Variants in CELSR1 observed in about 807,000 individuals in gnomAD.
CELSR1 encodes cadherin EGF LAG seven-pass G-type receptor 1, also known as adhesion G protein-coupled receptor C1.
In CELSR1, 110 loss-of-function variants were observed where a neutral mutation model predicts 249.1. The ratio of observed to expected loss-of-function variants is 0.44; its 90% CI spans 0.38 to 0.52. The LOEUF is 0.52. Among genes scored for constraint, CELSR1 ranks in the 20% least tolerant of loss-of-function variants. The pLI is 0.00. For missense variants in CELSR1, 4,109 were observed against 4,296.4 expected (o/e 0.96, Z 1.22); for synonymous variants, 2,113 against 1,900.0 (o/e 1.11, Z -2.92).
Position 46,363,456 on chromosome 22 carries a change from T to G in CELSR1, c.9036-209A>C. 1 of 532,890 alleles carries G rather than the reference T, an allele frequency of 1.9e-6. No individual in the cohort carries two copies. 33.0% of individuals were successfully genotyped at this position (532,890 alleles called of 1,614,324 possible). On this transcript the variant is annotated intron_variant, in intron 34 of 34. Coordinates refer to ENST00000674500, the MANE Select transcript of CELSR1 (RefSeq NM_001378328.1). This position sits in a 1 kb window ranked among gnomAD's most constrained non-coding sequence, Gnocchi z 4.3. ...AGGACCAGCCTGTGGGCCTCTGTGT[T>G]GCTGGTCTTTCAGAAGAGCGCAAGG...
In CELSR1 at chr22:46,413,749, ATC is replaced by A. The variant is rs1322725540; in HGVS notation, c.4612-1992_4612-1991del. Among the ~76,000 whole-genome samples the A allele has an allele frequency of 2.0e-5, 3 of 152,340 alleles. No individual in the cohort carries two copies. The highest frequency in any genetic ancestry group is 4.1e-4 in the South Asian group (2 of 4,824). The stretch of plus-strand genomic sequence containing the variant: ...CAGGTAGGCGAGTGCATTAAAAATC[ATC>A]TGTTTTCTCGCTGTGTAACGCGGCC... On this transcript the variant is annotated intron_variant, in intron 5 of 34. Coordinates refer to ENST00000674500, the MANE Select transcript of CELSR1 (RefSeq NM_001378328.1). This position sits in a 1 kb window ranked among gnomAD's most constrained non-coding sequence, Gnocchi z 4.7.
rs1405076795 is a variant in CELSR1 at position 46,423,523 on chromosome 22, T to C, written c.4611+9870A>G. Reference sequence around the variant, plus strand: ...GGGAGGCTGAGGCAGGAGAATTGCTTGAACCTGGGAGGCAGAGGTTGCGGT... The same window carrying C: ...GGGAGGCTGAGGCAGGAGAATTGCTCGAACCTGGGAGGCAGAGGTTGCGGT... On this transcript the variant is annotated intron_variant, in intron 5 of 34. Transcript: ENST00000674500. This position sits in a 1 kb window ranked among gnomAD's most constrained non-coding sequence, Gnocchi z 5.6. Among the ~76,000 whole-genome samples the C allele has an allele frequency of 1.3e-5, 2 of 150,504 alleles. No individual in the cohort carries two copies. The highest frequency in any genetic ancestry group is 4.9e-5 in the African/African-American group (2 of 40,720).
chr22:46,500,918 G>A lies in CELSR1; in HGVS notation c.3544+32709C>T, dbSNP rs1358027356. Among the ~76,000 whole-genome samples, 1 of 152,184 alleles carries A rather than the reference G, an allele frequency of 6.6e-6. No homozygotes were observed. Among genetic ancestry groups the A allele is most frequent in the Non-Finnish European group, 1.5e-5 (1 of 68,042 alleles). ...GAAAATCAGCCCATTTACATGCCAA[G>A]TGCTGAGAACCCTGTTTCTAACACC... On this transcript the variant is annotated intron_variant, in intron 1 of 34. Coordinates refer to ENST00000674500, the MANE Select transcript of CELSR1 (RefSeq NM_001378328.1). The surrounding 1 kb of genome is among the most constrained non-coding windows in gnomAD (Gnocchi z 4.9).
In CELSR1 at chr22:46,430,735, A is replaced by G. The variant is rs2079586060; in HGVS notation, c.4611+2658T>C. On this transcript the variant is annotated intron_variant, in intron 5 of 34. Coordinates refer to ENST00000674500, the MANE Select transcript of CELSR1 (RefSeq NM_001378328.1). This position sits in a 1 kb window ranked among gnomAD's most constrained non-coding sequence, Gnocchi z 4.6. The stretch of plus-strand genomic sequence containing the variant: ...CCAGAAGATTGTCTTCCTGACCTCA[A>G]GCTGGCCCCCGCCACCCCTCCAGGC... 6.6e-6 allele frequency among the ~76,000 whole-genome samples: 1 copy of G among 152,096 alleles called. No homozygotes were observed. Among genetic ancestry groups the G allele is most frequent in the South Asian group, 2.1e-4 (1 of 4,814 alleles).
At chr22:46,388,896 T>C (rs766194080) in intron 18 of CELSR1, among the ~76,000 whole-genome samples, 2 of 152,196 alleles carry the variant, frequency 1.3e-5, no homozygotes, top group African/African-American at 2.4e-5. Flanking sequence ...AGCTGTGCCT[T>C]TGGGCAAACG....
Position 46,401,032 on chromosome 22 carries a change from C to T in CELSR1, c.5227-1130G>A, listed in dbSNP as rs182496180. 2.0e-5 allele frequency among the ~76,000 whole-genome samples: 3 copies of T among 151,886 alleles called. No individual in the cohort carries two copies. The highest frequency in any genetic ancestry group is 2.9e-5 in the Non-Finnish European group (2 of 67,976). On this transcript the variant is annotated intron_variant, in intron 9 of 34. Coordinates refer to ENST00000674500, the MANE Select transcript of CELSR1 (RefSeq NM_001378328.1). This position sits in a 1 kb window ranked among gnomAD's most constrained non-coding sequence, Gnocchi z 4.7. ...GATCAGAATTGCTTGTCTTATTCTA[C>T]GGGAAAAAGGATCAATCGCTTCATG...
At chr22:46,492,240 GCT>G (rs2080374507) in intron 1 of CELSR1, among the ~76,000 whole-genome samples, 1 of 152,188 alleles carries the variant, frequency 6.6e-6, no homozygotes, top group South Asian at 2.1e-4. Context: ...ACGTTCACAG[GCT>G]AGTCTCATTT....
chr22:46,524,135 G>A (rs1008675445), intron 1 of CELSR1, among the ~76,000 whole-genome samples: 3 of 152,264 alleles, frequency 2.0e-5, no homozygotes, highest in African/African-American at 7.2e-5. Context: ...ACAGACCCCA[G>A]AGTCTGCGCC....
rs1411126336 is a variant in CELSR1, at chr22:46,445,862, A to G, written c.4184-6451T>C. Reference sequence around the variant, plus strand: ...TGCTGCTCCTGGCCTTTGCCAGCTCATCCTCCCACCCAGCCAGGGAGAGGT... The same window carrying G: ...TGCTGCTCCTGGCCTTTGCCAGCTCGTCCTCCCACCCAGCCAGGGAGAGGT... On this transcript the variant is annotated intron_variant, in intron 2 of 34. Transcript: ENST00000674500. The surrounding 1 kb of genome is among the most constrained non-coding windows in gnomAD (Gnocchi z 4.4). 3.3e-5 allele frequency among the ~76,000 whole-genome samples: 5 copies of G among 152,066 alleles called. No homozygotes were observed. Among genetic ancestry groups the G allele is most frequent in the Admixed American group, 2.6e-4 (4 of 15,284 alleles).
At chr22:46,394,016 C>A (rs1362577433) in intron 14 of CELSR1, 126 bp downstream of exon 14, 3 of 1,268,640 alleles carry the variant, frequency 2.4e-6, no homozygotes, top group Non-Finnish European at 3.3e-6. Context: ...TGAGTGGGCA[C>A]AGGTGTGTGT....
chr22:46,479,135 CG>C (rs2080240610), intron 1 of CELSR1, among the ~76,000 whole-genome samples: 2 of 151,648 alleles, frequency 1.3e-5, no homozygotes, highest in South Asian at 4.2e-4. Context: ...TCTCCTTGCC[CG>C]GAGTCTCGCA....
chr22:46,417,378 C>G lies in CELSR1; in HGVS notation c.4612-5619G>C, dbSNP rs1569148616. 6.6e-6 allele frequency among the ~76,000 whole-genome samples: 1 copy of G among 152,232 alleles called. No individual in the cohort carries two copies. Among genetic ancestry groups the G allele is most frequent in the Non-Finnish European group, 1.5e-5 (1 of 68,038 alleles). On this transcript the variant is annotated intron_variant, in intron 5 of 34. Transcript: ENST00000674500. This position sits in a 1 kb window ranked among gnomAD's most constrained non-coding sequence, Gnocchi z 4.1. ...CCTCGGACAGGACTTTGCCAGAATG[C>G]AAACCTCAGACCGAGCTGCTACTTC... is the stretch of plus-strand genomic sequence containing the variant.
At chr22:46,386,810 G>C (rs1004858331) in intron 18 of CELSR1, among the ~76,000 whole-genome samples, 1 of 152,128 alleles carries the variant, frequency 6.6e-6, no homozygotes, top group African/African-American at 2.4e-5. Flanking sequence ...CTGGAATGCA[G>C]TGGTGTCATC....
Position 46,381,850 on chromosome 22 carries a change from G to T in CELSR1, c.7084C>A (p.Leu2362Ile). Reference sequence around the variant, plus strand: ...TGCCCCGTGCCCAGGCCTTACCGGAGGCTGCGACGGTCGGGGTCGTAGCGC... The same window carrying T: ...TGCCCCGTGCCCAGGCCTTACCGGATGCTGCGACGGTCGGGGTCGTAGCGC... ...PERYDPDRRS[L>I]RLPHRPIINT... Residue 2362 changes from leucine to isoleucine, a missense_variant, in exon 21 of 35, where the codon CTC (leucine) becomes ATC (isoleucine). By Grantham distance (5) the Leu-to-Ile change is conservative (BLOSUM62 2). Coordinates refer to ENST00000674500, the MANE Select transcript of CELSR1 (RefSeq NM_001378328.1). The surrounding 1 kb of genome is among the most constrained non-coding windows in gnomAD (Gnocchi z 6.0). 6.4e-7 allele frequency: 1 copy of T among 1,553,374 alleles called. No individual in the cohort carries two copies. Among genetic ancestry groups the T allele is most frequent in the Non-Finnish European group, 8.7e-7 (1 of 1,152,790 alleles).
At position 46,410,270 on chromosome 22, in the gene CELSR1, G is replaced by C; in HGVS notation, c.4933+128C>G. 3.3e-6 allele frequency: 4 copies of C among 1,197,978 alleles called. No individual in the cohort carries two copies. The highest frequency in any genetic ancestry group is 4.7e-6 in the Non-Finnish European group (4 of 844,006). 74.2% of individuals were successfully genotyped at this position (1,197,978 alleles called of 1,614,324 possible). ...GGTTCCATCCCAGGAGCTGCCCACC[G>C]CTGGACACATACATTTCTAAGAAAA... On this transcript the variant is annotated intron_variant, in intron 7 of 34. Coordinates refer to ENST00000674500, the MANE Select transcript of CELSR1 (RefSeq NM_001378328.1). The surrounding 1 kb of genome is among the most constrained non-coding windows in gnomAD (Gnocchi z 6.8).
At chr22:46,525,481 A>C (rs2080730443) in intron 1 of CELSR1, among the ~76,000 whole-genome samples, 1 of 151,482 alleles carries the variant, frequency 6.6e-6, no homozygotes, top group Non-Finnish European at 1.5e-5. Flanking sequence ...GTTTACTACA[A>C]CCCCTCCCAG....
At position 46,434,651 on chromosome 22, in the gene CELSR1, T is replaced by C. The variant is rs760876427; in HGVS notation, c.4523-1170A>G. ...TAGAGACGGAAGCAGCTCTGAGCCA[T>C]CTTGGTGAACTTCCAGGTGAAGGAG... is the stretch of plus-strand genomic sequence containing the variant. On this transcript the variant is annotated intron_variant, in intron 4 of 34. Transcript: ENST00000674500. This position sits in a 1 kb window ranked among gnomAD's most constrained non-coding sequence, Gnocchi z 4.9. Among the ~76,000 whole-genome samples the C allele has an allele frequency of 2.6e-5, 4 of 152,276 alleles. No individual in the cohort carries two copies. Among genetic ancestry groups the C allele is most frequent in the Non-Finnish European group, 4.4e-5 (3 of 68,014 alleles).
intron 1 of CELSR1, among the ~76,000 whole-genome samples, chr22:46,485,301 C>T (rs2080302501): frequency 6.6e-6 from 1 of 152,202 alleles, no homozygotes; most frequent in Non-Finnish European, 1.5e-5. Flanking sequence ...ACATTGGGTT[C>T]TGCTGGAAGA....
At chr22:46,384,461 C>A in intron 20 of CELSR1, 82 bp downstream of exon 20, 2 of 1,457,394 alleles carry the variant, frequency 1.4e-6, no homozygotes, top group Non-Finnish European at 1.8e-6. Flanking sequence ...GTGCGCAGGT[C>A]CTGCGATGCC....
Sources: allele counts gnomAD v4.1 joint callset (sites outside exome capture counted in the v4.1 genomes callset), GRCh38; gene constraint gnomAD v4.1.1; non-coding constraint Gnocchi (gnomAD v3.1); transcripts MANE v1.5; gene names NCBI Gene and HGNC (gene_info 2026-07-23, HGNC 2026-07-21).